UHRF1: variants seen among roughly 807,000 people sequenced by gnomAD.
The protein encoded by UHRF1 is ubiquitin like with PHD and ring finger domains 1, also known as E3 ubiquitin-protein ligase UHRF1.
Under a neutral mutation model 96.5 loss-of-function variants are expected in UHRF1, and 9 were observed. The observed-to-expected ratio is 0.09, with a 90% confidence interval of 0.06 to 0.16. The LOEUF (loss-of-function observed/expected upper bound fraction) is 0.16. Ranked by LOEUF, UHRF1 falls within the 10% of genes least tolerant of loss-of-function variation. The probability of loss-of-function intolerance (pLI) is 1.00; values close to 1 mark genes in which losing one functional copy is unlikely to be tolerated. For synonymous variants in UHRF1, 455 were observed against 469.9 expected (o/e 0.97, Z 0.41); for missense variants, 626 against 1,131.1 (o/e 0.55, Z 6.40).
At chr19:4,920,685 C>G (rs2146307739) in intron 2 of UHRF1, among the ~76,000 whole-genome samples, 1 of 152,190 alleles carries the variant, frequency 6.6e-6, no homozygotes, top group East Asian at 1.9e-4. Context: ...TGCCAAGCAG[C>G]TGGGACTACA....
intron 7 of UHRF1, among the ~76,000 whole-genome samples, chr19:4,943,911 A>G (rs556892740): frequency 6.6e-6 from 1 of 152,280 alleles, no homozygotes; most frequent in African/African-American, 2.4e-5. Context: ...TCGGCCTCCC[A>G]AAGTGCTGGG....
Position 4,946,413 on chromosome 19 carries a change from A to G in UHRF1, c.1410+448A>G, listed in dbSNP as rs75574866. ...CGTGCGGAGGGACCATGCTGTGTTG[A>G]TCTGTCTGTCCGTGGGCACTGGGGT... On this transcript the variant is annotated intron_variant, in intron 10 of 16. Coordinates refer to ENST00000650932, the MANE Select transcript of UHRF1 (RefSeq NM_001048201.3). Among the ~76,000 whole-genome samples, 569 of 152,052 alleles carry G rather than the reference A, an allele frequency of 3.7e-3. 5 individuals are homozygous for G. Among genetic ancestry groups the G allele is most frequent in the African/African-American group, 0.013 (540 of 41,494 alleles).
At chr19:4,906,493 C>T (rs1437051246), upstream of UHRF1, among the ~76,000 whole-genome samples, 1 of 152,144 alleles carries the variant, frequency 6.6e-6, no homozygotes, top group Non-Finnish European at 1.5e-5. Flanking sequence ...GTGGCTCATG[C>T]CTGTAATCCC....
At position 4,954,481 on chromosome 19, in the gene UHRF1, G is replaced by T; in HGVS notation, c.1950G>T (p.Lys650Asn). 6.2e-7 allele frequency: 1 copy of T among 1,609,088 alleles called. No individual in the cohort carries two copies. The highest frequency in any genetic ancestry group is 8.5e-7 in the Non-Finnish European group (1 of 1,176,202). ...PRTGKGKWKRKSAGGGPSRAG... is the reference protein window; with the variant it reads ...PRTGKGKWKRNSAGGGPSRAG... ...CGGGCAAGGGCAAGTGGAAGCGGAA[G>T]TCGGCAGGTGAGAATCTCGTGGGTG... is the stretch of plus-strand genomic sequence containing the variant. Residue 650 changes from lysine to asparagine, a missense_variant, in exon 14 of 17, where the codon AAG becomes AAT. By Grantham distance (94) the Lys-to-Asn change is moderately conservative (BLOSUM62 0). This residue lies in a region of UHRF1 where 90 missense variants were observed against 94.7 expected (regional missense o/e 0.95). Coordinates refer to ENST00000650932, the MANE Select transcript of UHRF1 (RefSeq NM_001048201.3). The surrounding 1 kb of genome is among the most constrained non-coding windows in gnomAD (Gnocchi z 5.9).
At chr19:4,909,871 G>C in intron 1 of UHRF1, 1 of 379,132 alleles carries the variant, frequency 2.6e-6, no homozygotes, top group Non-Finnish European at 4.7e-6. Context: ...GGAGCCCGGC[G>C]GGGGGTCGAG....
chr19:4,929,105 G>A, intron 2 of UHRF1, 117 bp from the exon 3 acceptor site: 6 of 1,370,258 alleles, frequency 4.4e-6, no homozygotes, highest in African/African-American at 1.7e-5. Flanking sequence ...TTACTCTGAT[G>A]CAGATTGCCC....
At chr19:4,923,222 CTCTG>C (rs1451716536) in intron 2 of UHRF1, among the ~76,000 whole-genome samples, 6 of 152,174 alleles carry the variant, frequency 3.9e-5, no homozygotes, top group Non-Finnish European at 7.4e-5. Context: ...CCGACTTGTC[CTCTG>C]TCTGAGTCTG....
chr19:4,960,732 G>A lies in UHRF1; in HGVS notation c.2311G>A (p.Ala771Thr), dbSNP rs772511698. The stretch of plus-strand genomic sequence containing the variant: ...CCGCTACGACCTGGGCCGCAGCTAT[G>A]CCATGCAGGTGAACCAGCCTCTGCA... ...ACRYDLGRSY[A>T]MQVNQPLQTV... is the part of the protein sequence containing the mutation. The change falls in exon 17 of 17, where the codon GCC becomes ACC. Residue 771 changes from alanine to threonine, a missense_variant. This residue lies in a region of UHRF1 where 84 missense variants were observed against 150.3 expected (regional missense o/e 0.56). Transcript: ENST00000650932. 1.0e-5 allele frequency: 16 copies of A among 1,570,324 alleles called. No individual in the cohort carries two copies. In the Admixed American group the frequency reaches 2.3e-4, roughly 22 times the overall value.
chr19:4,943,132 C>G (rs187093115), intron 7 of UHRF1, among the ~76,000 whole-genome samples: 4 of 150,882 alleles, frequency 2.7e-5, no homozygotes, highest in Admixed American at 6.6e-5. Context: ...CCCAGCTACT[C>G]GGGAGGCTGA....
At position 4,944,262 on chromosome 19, in the gene UHRF1, C is replaced by T. The variant is rs1037832666; in HGVS notation, c.1197+7C>T. On this transcript the variant is annotated splice_region_variant and intron_variant, in intron 8 of 16. Transcript: ENST00000650932. ...ACAGCGGGACTGGGGCAAGGTGAGGCGGGTCCTTCCCACGTGCCCGTGGCC... is the reference window on the plus strand; with the variant it reads ...ACAGCGGGACTGGGGCAAGGTGAGGTGGGTCCTTCCCACGTGCCCGTGGCC... 49 of 1,613,982 alleles carry T rather than the reference C, an allele frequency of 3.0e-5. No homozygotes were observed. The highest frequency in any genetic ancestry group is 3.7e-5 in the Non-Finnish European group (44 of 1,179,860).
At chr19:4,939,325 G>T (rs1412946338) in intron 5 of UHRF1, among the ~76,000 whole-genome samples, 2 of 150,916 alleles carry the variant, frequency 1.3e-5, no homozygotes, top group Admixed American at 6.7e-5. Flanking sequence ...CTCCCAAAAG[G>T]TGCTGGGATT....
chr19:4,911,614 G>A (rs2032279600), intron 2 of UHRF1, among the ~76,000 whole-genome samples: 1 of 152,160 alleles, frequency 6.6e-6, no homozygotes, highest in African/African-American at 2.4e-5. Flanking sequence ...TGGTCCCCGA[G>A]GGGTCCACCG....
chr19:4,913,543 C>T (rs1362134236), intron 2 of UHRF1, among the ~76,000 whole-genome samples: 1 of 152,006 alleles, frequency 6.6e-6, no homozygotes, highest in Non-Finnish European at 1.5e-5. Flanking sequence ...GTGTGAACCA[C>T]TGCACCCAGC....
At chr19:4,922,739 C>T (rs565041923) in intron 2 of UHRF1, among the ~76,000 whole-genome samples, 13 of 152,224 alleles carry the variant, frequency 8.5e-5, no homozygotes, top group Non-Finnish European at 1.2e-4. Flanking sequence ...AGGAGGCTGC[C>T]CAGCCAGCTC....
In UHRF1 at chr19:4,930,249, A is replaced by G. The variant is rs2033006081; in HGVS notation, c.409-467A>G. Among the ~76,000 whole-genome samples, 1 of 152,166 alleles carries G rather than the reference A, an allele frequency of 6.6e-6. No homozygotes were observed. The highest frequency in any genetic ancestry group is 2.4e-5 in the African/African-American group (1 of 41,438). Reference sequence around the variant, plus strand: ...CGCAGCCTCCCAAAGTGCTGGAATTATAGGTGTGAGCCACTGCACCCAGTC... The same window carrying G: ...CGCAGCCTCCCAAAGTGCTGGAATTGTAGGTGTGAGCCACTGCACCCAGTC... On this transcript the variant is annotated intron_variant, in intron 3 of 16. Transcript: ENST00000650932. This position sits in a 1 kb window ranked among gnomAD's most constrained non-coding sequence, Gnocchi z 4.4.
Position 4,941,645 on chromosome 19 carries a change from C to G in UHRF1, c.886+17C>G. On this transcript the variant is annotated intron_variant, in intron 6 of 16. Transcript: ENST00000650932. ...CCATGAGACGTGAGTTCTGAGCCAG[C>G]CTTTCCCCATCTTCCGCGGTGGGCA... 1.2e-6 allele frequency: 2 copies of G among 1,609,764 alleles called. No individual in the cohort carries two copies. The highest frequency in any genetic ancestry group is 2.2e-5 in the East Asian group (1 of 44,664).
chr19:4,912,958 T>G (rs1054303288), intron 2 of UHRF1, among the ~76,000 whole-genome samples: 2 of 151,992 alleles, frequency 1.3e-5, no homozygotes, highest in African/African-American at 4.8e-5. Flanking sequence ...TGGGGTCTTA[T>G]TATATTGCCC....
At chr19:4,927,070 A>C (rs1349999236) in intron 2 of UHRF1, among the ~76,000 whole-genome samples, 2 of 151,576 alleles carry the variant, frequency 1.3e-5, no homozygotes, top group Non-Finnish European at 2.9e-5. Context: ...CAAAACAAAA[A>C]ACAAAACAAA....
chr19:4,936,506 T>C (rs765891738), intron 5 of UHRF1, among the ~76,000 whole-genome samples: 8 of 152,146 alleles, frequency 5.3e-5, no homozygotes, highest in Non-Finnish European at 7.4e-5. Context: ...CTCTGGGCAG[T>C]GCTAGGAGCT....
Sources: allele counts gnomAD v4.1 joint callset (sites outside exome capture counted in the v4.1 genomes callset), GRCh38; gene constraint gnomAD v4.1.1; regional missense constraint gnomAD v4.1.1; non-coding constraint Gnocchi (gnomAD v3.1); transcripts MANE v1.5; gene names NCBI Gene and HGNC (gene_info 2026-07-23, HGNC 2026-07-21).